The following ADARB2 variants were observed in gnomAD, a reference collection of about 807,000 sequenced individuals.
ADARB2 encodes adenosine deaminase RNA specific B2 (inactive), also known as inactive double-stranded RNA-specific editase B2.
In ADARB2, 25 loss-of-function variants were observed where a neutral mutation model predicts 62.2. The ratio of observed to expected loss-of-function variants is 0.40; its 90% CI spans 0.29 to 0.56. ADARB2 has a LOEUF of 0.56. Among genes scored for constraint, ADARB2 ranks in the 20% least tolerant of loss-of-function variants. ADARB2 has a pLI of 0.43. For synonymous variants in ADARB2, 572 were observed against 500.8 expected (o/e 1.14, Z -1.90); for missense variants, 1,071 against 1,077.4 (o/e 0.99, Z 0.08).
Position 1,331,682 on chromosome 10 carries a change from A to G in ADARB2, c.1077+31346T>C, listed in dbSNP as rs186293202. On this transcript the variant is annotated intron_variant, in intron 3 of 9. Coordinates refer to ENST00000381312, the MANE Select transcript of ADARB2 (RefSeq NM_018702.4). ...GATGGTTGCAGAACACTGTGAATATAGTAAAGACCTTTGAATTGTACTTTA... is the reference window on the plus strand; with the variant it reads ...GATGGTTGCAGAACACTGTGAATATGGTAAAGACCTTTGAATTGTACTTTA... Among the ~76,000 whole-genome samples, 16 of 152,366 alleles carry G rather than the reference A, an allele frequency of 1.1e-4. No homozygotes were observed. In the East Asian group the frequency reaches 2.7e-3, roughly 26 times the overall value.
chr10:1,276,118 C>T (rs1831313963), intron 3 of ADARB2, among the ~76,000 whole-genome samples: 1 of 152,082 alleles, frequency 6.6e-6, no homozygotes, highest in African/African-American at 2.4e-5. Flanking sequence ...TTTACAGTCC[C>T]ACCAACAGTG....
At position 1,645,067 on chromosome 10, in the gene ADARB2, C is replaced by T. The variant is rs975349303; in HGVS notation, c.100+91984G>A. ...GAATGTTATTTTGCAAAAATGCCAA[C>T]GCATGGAAAACTGGTGTCAGAGAGG... On this transcript the variant is annotated intron_variant, in intron 1 of 9. Coordinates refer to ENST00000381312, the MANE Select transcript of ADARB2 (RefSeq NM_018702.4). 1.1e-4 allele frequency among the ~76,000 whole-genome samples: 17 copies of T among 152,298 alleles called. No individual in the cohort carries two copies. In the East Asian group the frequency reaches 1.2e-3, roughly 10 times the overall value.
intron 7 of ADARB2, among the ~76,000 whole-genome samples, chr10:1,200,969 A>G (rs548344136): frequency 6.6e-6 from 1 of 152,324 alleles, no homozygotes; most frequent in African/African-American, 2.4e-5. Flanking sequence ...GTCTCTTTTC[A>G]TGATTAATAA....
chr10:1,274,824 G>C (rs1013188058), intron 3 of ADARB2, among the ~76,000 whole-genome samples: 1 of 152,236 alleles, frequency 6.6e-6, no homozygotes, highest in Non-Finnish European at 1.5e-5. Context: ...CCTTGACCTT[G>C]ACCCTTGCAC....
intron 1 of ADARB2, among the ~76,000 whole-genome samples, chr10:1,630,825 G>A (rs1272476975): frequency 6.6e-6 from 1 of 151,998 alleles, no homozygotes; most frequent in Non-Finnish European, 1.5e-5. Context: ...TGTGGTGGTG[G>A]GCGTCTGTAG....
At chr10:1,486,428 T>C (rs1424303779) in intron 1 of ADARB2, among the ~76,000 whole-genome samples, 9 of 152,156 alleles carry the variant, frequency 5.9e-5, no homozygotes, top group Non-Finnish European at 1.0e-4. Context: ...AGTCGAACAA[T>C]ATAGACACAA....
chr10:1,359,062 G>T (rs1256553804), intron 3 of ADARB2, among the ~76,000 whole-genome samples: 1 of 152,182 alleles, frequency 6.6e-6, no homozygotes, highest in Non-Finnish European at 1.5e-5. Context: ...TAGGTTTTGT[G>T]ATTTTATCAT....
chr10:1,561,136 A>G (rs1405975329), intron 1 of ADARB2, among the ~76,000 whole-genome samples: 4 of 152,242 alleles, frequency 2.6e-5, no homozygotes, highest in African/African-American at 7.2e-5. Flanking sequence ...ACATGATTAT[A>G]TCAACTTGTA....
intron 1 of ADARB2, among the ~76,000 whole-genome samples, chr10:1,471,015 C>T (rs1012555385): frequency 3.3e-5 from 5 of 152,162 alleles, no homozygotes; most frequent in African/African-American, 7.2e-5. Flanking sequence ...GCCAAGATGG[C>T]GCCACTGCAC....
chr10:1,306,116 A>C (rs558883641), intron 3 of ADARB2, among the ~76,000 whole-genome samples: 120 of 151,340 alleles, frequency 7.9e-4, no homozygotes, highest in African/African-American at 2.6e-3. Context: ...AGGAAGTCAA[A>C]TTGTCCCTGT....
At chr10:1,423,714 A>G (rs1256880193) in intron 1 of ADARB2, among the ~76,000 whole-genome samples, 1 of 151,892 alleles carries the variant, frequency 6.6e-6, no homozygotes, top group Non-Finnish European at 1.5e-5. Context: ...TAGGTCCACT[A>G]TGTATGCAGT....
chr10:1,434,571 A>G (rs956461166), intron 1 of ADARB2, among the ~76,000 whole-genome samples: 8 of 152,194 alleles, frequency 5.3e-5, no homozygotes, highest in Non-Finnish European at 4.4e-5. Flanking sequence ...ATGACAAAAC[A>G]ACGAAGGCAT....
intron 3 of ADARB2, among the ~76,000 whole-genome samples, chr10:1,318,250 G>T (rs1295754150): frequency 3.3e-5 from 5 of 152,064 alleles, no homozygotes; most frequent in Admixed American, 2.6e-4. Context: ...GACGGATCCT[G>T]TAACAGGAAC....
chr10:1,627,194 A>G (rs1011504469), intron 1 of ADARB2, among the ~76,000 whole-genome samples: 1 of 151,888 alleles, frequency 6.6e-6, no homozygotes, highest in Non-Finnish European at 1.5e-5. Flanking sequence ...GGACGTGCAC[A>G]AGAAGGGGCT....
At chr10:1,729,193 A>G (rs1835202226) in intron 1 of ADARB2, among the ~76,000 whole-genome samples, 1 of 152,126 alleles carries the variant, frequency 6.6e-6, no homozygotes, top group Non-Finnish European at 1.5e-5. Flanking sequence ...AAATTAGGCT[A>G]CCTATGTTTT....
intron 1 of ADARB2, among the ~76,000 whole-genome samples, chr10:1,399,528 G>A (rs1175798803): frequency 2.0e-5 from 3 of 151,952 alleles, no homozygotes; most frequent in African/African-American, 4.8e-5. Flanking sequence ...CAGGGTCCCC[G>A]GCCTGGTGCC....
At chr10:1,358,024 C>T (rs1275664849) in intron 3 of ADARB2, among the ~76,000 whole-genome samples, 1 of 152,098 alleles carries the variant, frequency 6.6e-6, no homozygotes, top group Non-Finnish European at 1.5e-5. Context: ...GTGCATCCTG[C>T]ACAAATAGTG....
At chr10:1,328,155 G>T (rs1244718142) in intron 3 of ADARB2, among the ~76,000 whole-genome samples, 1 of 152,236 alleles carries the variant, frequency 6.6e-6, no homozygotes, top group Non-Finnish European at 1.5e-5. Context: ...CGGAAATGTT[G>T]AAATAGAGGA....
intron 3 of ADARB2, among the ~76,000 whole-genome samples, chr10:1,293,251 A>AGAGGGACAGAGG (rs1212459308): frequency 9.3e-6 from 1 of 108,088 alleles, no homozygotes; most frequent in African/African-American, 3.9e-5. Flanking sequence ...GGACGGGGGG[A>AGAGGGACAGAGG]GAGGGACAGA....
Sources: gnomAD v4.1 joint callset for allele counts (sites outside exome capture counted in the v4.1 genomes callset) on GRCh38, gnomAD v4.1.1 for gene constraint, MANE v1.5 for transcripts, NCBI Gene and HGNC (gene_info 2026-07-23, HGNC 2026-07-21) for gene names.